SPG11: variants seen among roughly 807,000 people sequenced by gnomAD.
SPG11 encodes spatacsin.
SPG11 carries 222 observed loss-of-function variants against 274.0 expected under a neutral mutation model. That is an observed-to-expected ratio of 0.81 (90% CI 0.73 to 0.91). SPG11 has a LOEUF of 0.91. SPG11 is among the 40% of genes least tolerant of loss of function. SPG11 has a pLI of 0.00. For synonymous variants in SPG11, 1,144 were observed against 1,039.7 expected (o/e 1.10, Z -1.93); for missense variants, 3,114 against 2,872.7 (o/e 1.08, Z -1.92).
intron 29 of SPG11, 28 bp downstream of exon 29, chr15:44,585,602 TAAAAAA>T (rs34800368): frequency 7.3e-5 from 87 of 1,193,454 alleles, no homozygotes; most frequent in Non-Finnish European, 8.4e-5. Context: ...ACCCCGTATC[TAAAAAA>T]AAAAAAAAAA....
intron 18 of SPG11, among the ~76,000 whole-genome samples, chr15:44,609,647 A>T (rs2083408523): frequency 6.6e-6 from 1 of 152,102 alleles, no homozygotes; most frequent in African/African-American, 2.4e-5. Context: ...TTGTATTCTG[A>T]AAACAAATCT....
rs1462607878 is a variant in SPG11 at position 44,585,664 on chromosome 15, A to T, written c.5093T>A (p.Leu1698Ter). ...TTTAATAACCAAGTTGTCCACAGGT[A>T]ACTCAGCTAATTCTGCTACCCTCCT... is the stretch of plus-strand genomic sequence containing the variant. Reference protein sequence around the residue: ...LARRVAELAELPVDNLVIKEI... With the variant: ...LARRVAELAE Residue 1698 changes from leucine (L) to a stop codon, truncating the protein, a stop_gained, in exon 29 of 40, where the codon TTA (leucine) becomes TAA (stop). Coordinates refer to ENST00000261866, the MANE Select transcript of SPG11 (RefSeq NM_025137.4). LOFTEE classifies it high-confidence loss of function. 1 of 1,613,288 alleles carries T rather than the reference A, an allele frequency of 6.2e-7. No homozygotes were observed. Among genetic ancestry groups the T allele is most frequent in the Non-Finnish European group, 8.5e-7 (1 of 1,179,776 alleles).
At chr15:44,628,367 A>C (rs1237699415) in intron 10 of SPG11, among the ~76,000 whole-genome samples, 1 of 152,240 alleles carries the variant, frequency 6.6e-6, no homozygotes, top group Non-Finnish European at 1.5e-5. Context: ...GCTTGAGCCA[A>C]TGAGGGAGTA....
chr15:44,572,341 A>G, intron 33 of SPG11: 1 of 339,520 alleles, frequency 2.9e-6, no homozygotes, highest in South Asian at 2.6e-5. Context: ...GGGTTCAAAT[A>G]CCAGCTCTGC....
At chr15:44,596,675 A>C (rs1380545236) in intron 24 of SPG11, 109 bp downstream of exon 24, 12 of 702,900 alleles carry the variant, frequency 1.7e-5, no homozygotes, top group African/African-American at 1.3e-4. Context: ...AAAAAAAAAA[A>C]AAAAAAAAAA....
rs140569000 is a variant in SPG11 at position 44,632,593 on chromosome 15, C to T, written c.1735+912G>A. Among the ~76,000 whole-genome samples the T allele has an allele frequency of 4.4e-3, 665 of 151,826 alleles. 4 individuals carry two copies. The highest frequency in any genetic ancestry group is 0.016 in the African/African-American group (645 of 41,366). On this transcript the variant is annotated intron_variant, in intron 8 of 39. Transcript: ENST00000261866. Reference sequence around the variant, plus strand: ...TGGCACAATCATAGATCACTGCAGCCTAGACCTCCCAGACTCAAGCAATCC... The same window carrying T: ...TGGCACAATCATAGATCACTGCAGCTTAGACCTCCCAGACTCAAGCAATCC...
At position 44,633,542 on chromosome 15, in the gene SPG11, A is replaced by C. The variant is rs79708848; in HGVS notation, c.1698T>G (p.Asp566Glu). 26,052 of 1,609,150 alleles carry C rather than the reference A, an allele frequency of 0.016. 286 individuals carry two copies. The highest frequency in any genetic ancestry group is 0.02 in the Non-Finnish European group (23,218 of 1,175,812). ...AATGGGATGACAAGTGATCAAACTG[A>C]TCAGATACAGAAGATTTTGAGGATG... is the stretch of plus-strand genomic sequence containing the variant. ...FNPSSKSSVS[D>E]QFDHLSSHLY... is the part of the protein sequence containing the mutation. The change falls in exon 8 of 40, where the codon GAT becomes GAG. Residue 566 changes from aspartate (D) to glutamate (E), a missense_variant. Transcript: ENST00000261866.
rs139568896 is a variant in SPG11, at chr15:44,568,570, C to T, written c.6585+828G>A. Among the ~76,000 whole-genome samples the T allele has an allele frequency of 2.6e-4, 39 of 152,352 alleles. No homozygotes were observed. In the East Asian group the frequency reaches 6.9e-3, roughly 27 times the overall value. On this transcript the variant is annotated intron_variant, in intron 35 of 39. Transcript: ENST00000261866. ...ACAGAGGACACTGAGGACACACGGG[C>T]TTGCAGAGCCCAAGACTTAAACAAG... is the stretch of plus-strand genomic sequence containing the variant.
Position 44,615,365 on chromosome 15 carries a change from G to C in SPG11, c.3036C>G (p.Tyr1012Ter). 1.2e-6 allele frequency: 2 copies of C among 1,613,348 alleles called. No homozygotes were observed. The highest frequency in any genetic ancestry group is 1.7e-6 in the Non-Finnish European group (2 of 1,179,814). ...QHLLYVYLDC[Y>*]KLSPENCPFL... ...ACAAATGCATTCTCAGTACTCACTT[G>C]TAACAGTCAAGGTAGACATAAAGAA... The change falls in exon 16 of 40, where the codon TAC (tyrosine) becomes TAG (stop). Residue 1012 changes from tyrosine (Y) to a stop codon, truncating the protein, a stop_gained and splice_region_variant. Transcript: ENST00000261866. LOFTEE classifies it high-confidence loss of function.
intron 7 of SPG11, among the ~76,000 whole-genome samples, chr15:44,638,002 AG>A (rs1399606955): frequency 6.6e-6 from 1 of 152,222 alleles, no homozygotes; most frequent in Non-Finnish European, 1.5e-5. Flanking sequence ...CTTCATTTTC[AG>A]CAAAAAGTTT....
In SPG11 at chr15:44,651,747, C is replaced by T; in HGVS notation, c.1200G>A (p.Gln400=). The change falls in exon 6 of 40, where the codon CAG becomes CAA. Residue 400 remains glutamine, a synonymous_variant. Transcript: ENST00000261866. ...GATCACTGGTCTTGGCATGATCTTTCTGTAGAACATTATATTGCCCATGCA... is the reference window on the plus strand; with the variant it reads ...GATCACTGGTCTTGGCATGATCTTTTTGTAGAACATTATATTGCCCATGCA... ...DIMHGQYNVL[Q]KDHAKTSDPG... 6.2e-7 allele frequency: 1 copy of T among 1,614,226 alleles called. No individual in the cohort carries two copies. The highest frequency in any genetic ancestry group is 8.5e-7 in the Non-Finnish European group (1 of 1,180,038).
At chr15:44,619,908 GT>G (rs1260463544) in intron 15 of SPG11, among the ~76,000 whole-genome samples, 1 of 151,908 alleles carries the variant, frequency 6.6e-6, no homozygotes, top group East Asian at 1.9e-4. Context: ...TAGAGACAGG[GT>G]TTCACCGTGT....
At chr15:44,618,889 C>G (rs1377661440) in intron 15 of SPG11, among the ~76,000 whole-genome samples, 1 of 151,990 alleles carries the variant, frequency 6.6e-6, no homozygotes, top group Non-Finnish European at 1.5e-5. Context: ...TGTAAATAGG[C>G]TGAATTTTAT....
At chr15:44,570,224 A>G (rs2140922332) in intron 34 of SPG11, among the ~76,000 whole-genome samples, 1 of 152,282 alleles carries the variant, frequency 6.6e-6, no homozygotes, top group South Asian at 2.1e-4. Context: ...TGTTTTGGGG[A>G]AAAATGCAGC....
chr15:44,644,720 G>A lies in SPG11; in HGVS notation c.1602+4146C>T, dbSNP rs567003660. Among the ~76,000 whole-genome samples, 10 of 152,152 alleles carry A rather than the reference G, an allele frequency of 6.6e-5. No individual in the cohort carries two copies. In the East Asian group the frequency reaches 1.5e-3, roughly 24 times the overall value. ...CTCCTGGATCTGATAAACAACTTTG[G>A]CAAAGTTTCAGGATACAAAATCAAT... is the stretch of plus-strand genomic sequence containing the variant. On this transcript the variant is annotated intron_variant, in intron 7 of 39. Transcript: ENST00000261866.
chr15:44,659,478 A>T (rs1390367009), intron 2 of SPG11, among the ~76,000 whole-genome samples, 175 bp from the exon 3 acceptor site: 1 of 152,210 alleles, frequency 6.6e-6, no homozygotes, highest in Non-Finnish European at 1.5e-5. Flanking sequence ...GAGGTAGGTA[A>T]GAGGATGACT....
rs139887370 is a variant in SPG11, at chr15:44,596,919, T to C, written c.4026A>G (p.Gln1342=). The C allele has an allele frequency of 7.0e-4, 1,129 of 1,613,968 alleles. 5 individuals are homozygous for C. Among genetic ancestry groups the C allele is most frequent in the Non-Finnish European group, 8.0e-4 (944 of 1,179,982 alleles). The change falls in exon 24 of 40, where the codon CAA becomes CAG. Residue 1342 remains glutamine (Q), a synonymous_variant. Coordinates refer to ENST00000261866, the MANE Select transcript of SPG11 (RefSeq NM_025137.4). ...IKRLSSESSS[Q]WALVVQFCRL... is the part of the protein sequence containing the mutation. Reference sequence around the variant, plus strand: ...TGCAGAACTGCACCACTAATGCCCATTGGCTGCTAGATTCACTGGATAACC... The same window carrying C: ...TGCAGAACTGCACCACTAATGCCCACTGGCTGCTAGATTCACTGGATAACC...
intron 11 of SPG11, among the ~76,000 whole-genome samples, chr15:44,624,242 C>T (rs981154474): frequency 2.7e-4 from 41 of 150,974 alleles, no homozygotes; most frequent in Admixed American, 6.6e-5. Flanking sequence ...AATCTCTGCA[C>T]TTTGGGAGAC....
chr15:44,571,788 C>T (rs1056615908), intron 33 of SPG11, among the ~76,000 whole-genome samples: 3 of 151,994 alleles, frequency 2.0e-5, no homozygotes, highest in African/African-American at 7.2e-5. Flanking sequence ...TGAGCCACTG[C>T]GCCTGGCCTT....
Sources: allele counts gnomAD v4.1 joint callset (sites outside exome capture counted in the v4.1 genomes callset), GRCh38; gene constraint gnomAD v4.1.1; transcripts MANE v1.5; gene names NCBI Gene and HGNC (gene_info 2026-07-23, HGNC 2026-07-21).